NUP98: variants seen among roughly 807,000 people sequenced by gnomAD.
The protein encoded by NUP98 is nucleoporin 98 and 96 precursor.
In NUP98, 26 loss-of-function variants were observed where a neutral mutation model predicts 191.9. The observed-to-expected ratio is 0.14, with a 90% confidence interval of 0.10 to 0.19. NUP98 has a LOEUF of 0.19. Among genes scored for constraint, NUP98 ranks in the 10% least tolerant of loss-of-function variants. The pLI, the probability that NUP98 is intolerant of heterozygous loss-of-function variation, is 1.00. For synonymous variants in NUP98, 808 were observed against 778.4 expected (o/e 1.04, Z -0.63); for missense variants, 1,941 against 2,178.8 (o/e 0.89, Z 2.17).
intron 14 of NUP98, among the ~76,000 whole-genome samples, chr11:3,729,918 T>C (rs1288389285): frequency 6.6e-6 from 1 of 151,970 alleles, no homozygotes; most frequent in East Asian, 1.9e-4. Context: ...TAAACCTTTT[T>C]ACCTACTCTG....
intron 10 of NUP98, among the ~76,000 whole-genome samples, 187 bp from the exon 11 acceptor site, chr11:3,753,595 T>G (rs1262898765): frequency 6.6e-6 from 1 of 151,866 alleles, no homozygotes; most frequent in Non-Finnish European, 1.5e-5. Flanking sequence ...CATATTTACT[T>G]AATTACATTT....
At position 3,770,150 on chromosome 11, in the gene NUP98, G is replaced by C. The variant is rs184458967; in HGVS notation, c.785-1406C>G. Among the ~76,000 whole-genome samples, 345 of 151,846 alleles carry C rather than the reference G, an allele frequency of 2.3e-3. 1 individual carries two copies. Among genetic ancestry groups the C allele is most frequent in the African/African-American group, 7.9e-3 (328 of 41,392 alleles). On this transcript the variant is annotated intron_variant, in intron 7 of 32. Transcript: ENST00000324932. ...GCCTGAGGTCAGGGGTTCGAGACCAGCCTGGCCAACATGGTGAAACCCCAA... is the reference window on the plus strand; with the variant it reads ...GCCTGAGGTCAGGGGTTCGAGACCACCCTGGCCAACATGGTGAAACCCCAA...
At chr11:3,728,378 A>C (rs992304697) in intron 14 of NUP98, among the ~76,000 whole-genome samples, 1 of 152,238 alleles carries the variant, frequency 6.6e-6, no homozygotes, top group Non-Finnish European at 1.5e-5. Flanking sequence ...GATCTGACTT[A>C]TGCTTCAAAA....
chr11:3,767,741 C>G (rs2081385817), intron 8 of NUP98, among the ~76,000 whole-genome samples: 1 of 151,668 alleles, frequency 6.6e-6, no homozygotes, highest in Non-Finnish European at 1.5e-5. Context: ...AAAAAATGTC[C>G]CTAGAAATAA....
chr11:3,706,791 A>T (rs910582057), intron 20 of NUP98, among the ~76,000 whole-genome samples, 164 bp from the exon 21 acceptor site: 1 of 152,246 alleles, frequency 6.6e-6, no homozygotes, highest in South Asian at 2.1e-4. Flanking sequence ...TTTAAAATCA[A>T]TTACCCCAAG....
intron 1 of NUP98, among the ~76,000 whole-genome samples, chr11:3,792,420 G>A (rs970360808): frequency 4.6e-5 from 7 of 152,050 alleles, no homozygotes; most frequent in African/African-American, 1.7e-4. Flanking sequence ...GACCAGCCAT[G>A]GTCAACATGT....
At chr11:3,794,325 C>T (rs1439191797) in intron 1 of NUP98, among the ~76,000 whole-genome samples, 1 of 151,984 alleles carries the variant, frequency 6.6e-6, no homozygotes, top group African/African-American at 2.4e-5. Context: ...TGTTTTGTTT[C>T]TTTTCTTTTT....
At chr11:3,743,643 T>C (rs1474859672) in intron 12 of NUP98, among the ~76,000 whole-genome samples, 1 of 109,716 alleles carries the variant, frequency 9.1e-6, no homozygotes, top group East Asian at 2.7e-4. Context: ...TGAAACTCCA[T>C]CTCAAAAAAA....
chr11:3,727,409 C>A (rs2079661359), intron 14 of NUP98, among the ~76,000 whole-genome samples: 1 of 152,122 alleles, frequency 6.6e-6, no homozygotes, highest in Non-Finnish European at 1.5e-5. Flanking sequence ...GTTAATCCTA[C>A]AAGCAAGAAA....
intron 12 of NUP98, among the ~76,000 whole-genome samples, chr11:3,741,394 G>A (rs1212849800): frequency 6.6e-6 from 1 of 151,986 alleles, no homozygotes; most frequent in Non-Finnish European, 1.5e-5. Context: ...GGCTGAGGCA[G>A]GTGGATCACC....
intron 1 of NUP98, among the ~76,000 whole-genome samples, chr11:3,784,478 C>A (rs757560506): frequency 6.6e-6 from 1 of 151,916 alleles, no homozygotes; most frequent in Non-Finnish European, 1.5e-5. Context: ...GCTGGTTACA[C>A]TGGCTCACAT....
chr11:3,777,562 A>G (rs1331138709), intron 4 of NUP98, among the ~76,000 whole-genome samples: 1 of 147,316 alleles, frequency 6.8e-6, no homozygotes, highest in African/African-American at 2.5e-5. Flanking sequence ...CGGAGGTTGC[A>G]GTGAGCAGAG....
intron 10 of NUP98, among the ~76,000 whole-genome samples, chr11:3,753,619 T>C (rs1401215086): frequency 6.6e-6 from 1 of 151,544 alleles, no homozygotes. Flanking sequence ...CCTTGAAATA[T>C]CAATTCAAAG....
intron 14 of NUP98, among the ~76,000 whole-genome samples, chr11:3,727,849 T>G (rs1197370639): frequency 6.6e-6 from 1 of 151,624 alleles, no homozygotes; most frequent in Non-Finnish European, 1.5e-5. Context: ...CACAGCAAGA[T>G]CCTGTCTCTA....
At chr11:3,791,087 G>C (rs955376803) in intron 1 of NUP98, among the ~76,000 whole-genome samples, 3 of 151,802 alleles carry the variant, frequency 2.0e-5, no homozygotes, top group Admixed American at 2.0e-4. Flanking sequence ...AGTAGAGACG[G>C]GTTTTCACCG....
Position 3,675,784 on chromosome 11 carries a change from G to A in NUP98, c.*375C>T, listed in dbSNP as rs928351899. 1.7e-5 allele frequency: 6 copies of A among 361,778 alleles called. No individual in the cohort carries two copies. Among genetic ancestry groups the A allele is most frequent in the Non-Finnish European group, 3.1e-5 (6 of 195,786 alleles). 22.4% of individuals were successfully genotyped at this position (361,778 alleles called of 1,614,324 possible). A position where few individuals can be genotyped will look rare whatever the true frequency, so the allele number is the denominator to read the frequency against. ...TCCTAAGGAGTCCTAGTATAAAAGG[G>A]CCAGGGTAGGAGTAGGGAAGCTGGT... On this transcript the variant is annotated 3_prime_UTR_variant, in exon 33 of 33. Coordinates refer to ENST00000324932, the MANE Select transcript of NUP98 (RefSeq NM_016320.5).
intron 25 of NUP98, among the ~76,000 whole-genome samples, chr11:3,698,100 A>G (rs1244193488): frequency 6.6e-6 from 1 of 152,224 alleles, no homozygotes; most frequent in East Asian, 1.9e-4. Context: ...ACATTTATAC[A>G]TAAAAGAATG....
chr11:3,715,697 A>G (rs1320849502), intron 18 of NUP98, among the ~76,000 whole-genome samples: 3 of 152,150 alleles, frequency 2.0e-5, no homozygotes, highest in Non-Finnish European at 4.4e-5. Flanking sequence ...CCTGGCCAAC[A>G]TGGTGAAACT....
intron 27 of NUP98, chr11:3,693,020 C>G: frequency 2.1e-6 from 1 of 479,286 alleles, no homozygotes; most frequent in East Asian, 3.3e-5. Context: ...GAAGAAGAAC[C>G]CTCTGATTTA....
Sources: allele counts gnomAD v4.1 joint callset (sites outside exome capture counted in the v4.1 genomes callset), GRCh38; gene constraint gnomAD v4.1.1; transcripts MANE v1.5; gene names NCBI Gene and HGNC (gene_info 2026-07-23, HGNC 2026-07-21).